The following MYO7B variants were observed in gnomAD, a reference collection of about 807,000 sequenced individuals.
The protein encoded by MYO7B is unconventional myosin-VIIb.
MYO7B carries 212 observed loss-of-function variants against 259.7 expected under a neutral mutation model. The observed-to-expected ratio is 0.82, with a 90% CI of 0.73 to 0.91. The LOEUF (loss-of-function observed/expected upper bound fraction) is 0.91, where lower values mean the gene tolerates loss of function less well. Among genes scored for constraint, MYO7B ranks in the 40% least tolerant of loss-of-function variants. MYO7B has a pLI of 0.00. For missense variants in MYO7B, 2,732 were observed against 2,813.5 expected (o/e 0.97, Z 0.66); for synonymous variants, 1,197 against 1,166.4 (o/e 1.03, Z -0.54).
chr2:127,609,943 T>A lies in MYO7B; in HGVS notation c.3119T>A (p.Val1040Glu). The change falls in exon 24 of 48, where the codon GTG (valine) becomes GAG (glutamate). Residue 1040 changes from valine (V) to glutamate (E), a missense_variant. By Grantham distance (121) the Val-to-Glu change is moderately radical. Coordinates refer to ENST00000409816, the MANE Select transcript of MYO7B (RefSeq NM_001393586.1). The surrounding 1 kb of genome is among the most constrained non-coding windows in gnomAD (Gnocchi z 6.9). ...AGGAGCAGCCAGCAGGGCAGCTCAG[T>A]GATGCGGCAGATCCATGACACGCTG... ...YARSSQQGSS[V>E]MRQIHDTLGR... 1 of 1,608,258 alleles carries A rather than the reference T, an allele frequency of 6.2e-7. No homozygotes were observed. The highest frequency in any genetic ancestry group is 8.5e-7 in the Non-Finnish European group (1 of 1,177,268).
Position 127,627,604 on chromosome 2 carries a change from C to T in MYO7B, c.4460+294C>T, listed in dbSNP as rs890833645. 1 of 529,962 alleles carries T rather than the reference C, an allele frequency of 1.9e-6. No homozygotes were observed. The highest frequency in any genetic ancestry group is 4.9e-5 in the East Asian group (1 of 20,414). The allele number at this position is 529,962 out of a possible 1,614,324, so 32.8% of individuals were successfully genotyped here. A position where few individuals can be genotyped will look rare whatever the true frequency, so the allele number is the denominator to read the frequency against. On this transcript the variant is annotated intron_variant, in intron 33 of 47. Coordinates refer to ENST00000409816, the MANE Select transcript of MYO7B (RefSeq NM_001393586.1). This position sits in a 1 kb window ranked among gnomAD's most constrained non-coding sequence, Gnocchi z 5.6. Reference sequence around the variant, plus strand: ...GGAAGCGTGCAGCCTCTGGCGGGCACTTATTTAGAAGGCTCCTTTCTTTGT... The same window carrying T: ...GGAAGCGTGCAGCCTCTGGCGGGCATTTATTTAGAAGGCTCCTTTCTTTGT...
At chr2:127,608,538 A>G (rs935360809) in intron 21 of MYO7B, among the ~76,000 whole-genome samples, 170 bp from the exon 22 acceptor site, 1 of 152,240 alleles carries the variant, frequency 6.6e-6, no homozygotes, top group African/African-American at 2.4e-5. Context: ...ATCTCTAACC[A>G]CACTAGCTGT....
intron 43 of MYO7B, 122 bp downstream of exon 43, chr2:127,635,348 T>C: frequency 1.1e-6 from 1 of 942,856 alleles, no homozygotes; most frequent in South Asian, 1.5e-5. Context: ...CCAGCCCATG[T>C]GGTAGGCAGA....
In MYO7B at chr2:127,584,192, A is replaced by G. The variant is rs923874490; in HGVS notation, c.1414A>G (p.Met472Val). Residue 472 changes from methionine (M) to valine (V), a missense_variant, in exon 13 of 48, where the codon ATG (methionine) becomes GTG (valine). Around this residue, in one of 3 missense-constraint regions of MYO7B, gnomAD observed 1,906 missense variants for 2,026.4 expected, o/e 0.94. Transcript: ENST00000409816. This position sits in a 1 kb window ranked among gnomAD's most constrained non-coding sequence, Gnocchi z 5.8. ...GTTCTTTGTGCAGCACGTGTTCACCATGGAGCAAGAGGAGTACCGCTCGGA... is the reference window on the plus strand; with the variant it reads ...GTTCTTTGTGCAGCACGTGTTCACCGTGGAGCAAGAGGAGTACCGCTCGGA... ...QQFFVQHVFT[M>V]EQEEYRSENI... 1.2e-6 allele frequency: 2 copies of G among 1,613,882 alleles called. No homozygotes were observed. Among genetic ancestry groups the G allele is most frequent in the African/African-American group, 1.3e-5 (1 of 74,920 alleles).
rs181653222 is a variant in MYO7B at position 127,580,014 on chromosome 2, C to T, written c.1004-732C>T. Among the ~76,000 whole-genome samples, 15 of 152,280 alleles carry T rather than the reference C, an allele frequency of 9.9e-5. No individual in the cohort carries two copies. The East Asian group carries it at 2.5e-3, about 25-fold the overall frequency. On this transcript the variant is annotated intron_variant, in intron 9 of 47. Coordinates refer to ENST00000409816, the MANE Select transcript of MYO7B (RefSeq NM_001393586.1). ...GGAGGAGAGGGACACAGTCTCAGCC[C>T]GCAAGGACCTCGGAGGGCTGTGGGT...
chr2:127,578,364 G>T, intron 9 of MYO7B, 78 bp downstream of exon 9: 1 of 1,555,018 alleles, frequency 6.4e-7, no homozygotes, highest in South Asian at 1.1e-5. Context: ...ATCTCTAGGG[G>T]TTCTCACAGG....
chr2:127,585,669 C>T lies in MYO7B; in HGVS notation c.1690+756C>T, dbSNP rs553638336. 3.9e-5 allele frequency among the ~76,000 whole-genome samples: 6 copies of T among 152,268 alleles called. No individual in the cohort carries two copies. The highest frequency in any genetic ancestry group is 1.3e-4 in the Admixed American group (2 of 15,302). On this transcript the variant is annotated intron_variant, in intron 14 of 47. Transcript: ENST00000409816. The surrounding 1 kb of genome is among the most constrained non-coding windows in gnomAD (Gnocchi z 4.3). ...GGAACCACCAGACTGTTTTCCAAAG[C>T]GGCTGTATGATTTTACATTCCCACT...
chr2:127,584,202 A>G lies in MYO7B; in HGVS notation c.1424A>G (p.Glu475Gly). 1.2e-6 allele frequency: 2 copies of G among 1,613,994 alleles called. No homozygotes were observed. The highest frequency in any genetic ancestry group is 1.1e-5 in the South Asian group (1 of 91,078). Residue 475 changes from glutamate (E) to glycine (G), a missense_variant, in exon 13 of 48, where the codon GAG becomes GGG. By Grantham distance (98) the Glu-to-Gly change is moderately conservative. Coordinates refer to ENST00000409816, the MANE Select transcript of MYO7B (RefSeq NM_001393586.1). The surrounding 1 kb of genome is among the most constrained non-coding windows in gnomAD (Gnocchi z 5.8). ...CAGCACGTGTTCACCATGGAGCAAGAGGAGTACCGCTCGGAGAACATCTCC... is the reference window on the plus strand; with the variant it reads ...CAGCACGTGTTCACCATGGAGCAAGGGGAGTACCGCTCGGAGAACATCTCC... ...FVQHVFTMEQ[E>G]EYRSENISWD... is the part of the protein sequence containing the mutation.
chr2:127,552,435 G>A (rs1309554582), intron 1 of MYO7B, among the ~76,000 whole-genome samples: 5 of 152,128 alleles, frequency 3.3e-5, no homozygotes, highest in Admixed American at 1.3e-4. Context: ...GGTCCAGGGC[G>A]TGTTGTGGTG....
At chr2:127,637,279 G>A (rs750425075) in intron 47 of MYO7B, 37 bp from the exon 48 acceptor site, 3 of 1,483,394 alleles carry the variant, frequency 2.0e-6, no homozygotes, top group Admixed American at 4.0e-5. Flanking sequence ...CCTGCCCTCT[G>A]CACCCACAGC....
At chr2:127,630,070 CG>C (rs1303157354) in intron 35 of MYO7B, among the ~76,000 whole-genome samples, 2 of 151,472 alleles carry the variant, frequency 1.3e-5, no homozygotes, top group Admixed American at 6.6e-5. Flanking sequence ...TGGGGGTGTC[CG>C]GGGGACAAAC....
chr2:127,560,090 G>A (rs915490434), intron 2 of MYO7B, among the ~76,000 whole-genome samples: 3 of 148,954 alleles, frequency 2.0e-5, no homozygotes, highest in South Asian at 4.2e-4. Context: ...CCAGTGGCAC[G>A]ATCTCAGCTC....
In MYO7B at chr2:127,592,775, G is replaced by A. The variant is rs114383993; in HGVS notation, c.1993-19G>A. On this transcript the variant is annotated intron_variant, in intron 16 of 47. Coordinates refer to ENST00000409816, the MANE Select transcript of MYO7B (RefSeq NM_001393586.1). ...AAAGTGGGGCTTGCGCTGGGTCAGC[G>A]CCCGGTGTCCGCCCACAGCTGTTCG... is the stretch of plus-strand genomic sequence containing the variant. 3.3e-3 allele frequency: 5,362 copies of A among 1,601,726 alleles called. 157 individuals are homozygous for A. The African/African-American group carries it at 0.062, about 19-fold the overall frequency.
At chr2:127,537,134 G>A (rs1692814207) in intron 1 of MYO7B, among the ~76,000 whole-genome samples, 1 of 152,234 alleles carries the variant, frequency 6.6e-6, no homozygotes, top group Admixed American at 6.5e-5. Flanking sequence ...CCGAGCAGAG[G>A]AGTTTGGCTT....
At chr2:127,579,867 C>T (rs994501282) in intron 9 of MYO7B, among the ~76,000 whole-genome samples, 1 of 152,152 alleles carries the variant, frequency 6.6e-6, no homozygotes, top group Non-Finnish European at 1.5e-5. Flanking sequence ...ATTACAGACA[C>T]AAGCCACTGC....
At chr2:127,593,365 C>T (rs1679642292) in intron 17 of MYO7B, among the ~76,000 whole-genome samples, 181 bp from the exon 18 acceptor site, 1 of 151,898 alleles carries the variant, frequency 6.6e-6, no homozygotes, top group Admixed American at 6.5e-5. Flanking sequence ...GCCCCGGGCC[C>T]CGAGTTCCCT....
intron 39 of MYO7B, 96 bp from the exon 40 acceptor site, chr2:127,633,162 T>A: frequency 5.2e-6 from 5 of 960,376 alleles, no homozygotes; most frequent in Non-Finnish European, 7.9e-6. Flanking sequence ...GGTTTTCTTT[T>A]GTTTCTGGCA....
intron 27 of MYO7B, 73 bp downstream of exon 27, chr2:127,620,539 G>A: frequency 1.4e-6 from 2 of 1,399,790 alleles, no homozygotes; most frequent in Non-Finnish European, 1.9e-6. Flanking sequence ...CCTGGCCCTG[G>A]AGCAGGTCCA....
In MYO7B at chr2:127,620,362, T is replaced by C; in HGVS notation, c.3421T>C (p.Cys1141Arg). The part of the protein sequence containing the change: ...SLRDEIYCQI[C>R]KQLSENFKTS... ...CAGGGATGAGATTTACTGCCAGATC[T>C]GCAAGCAGCTCTCGGAGAACTTCAA... The change falls in exon 27 of 48, where the codon TGC becomes CGC. Residue 1141 changes from cysteine to arginine, a missense_variant. Physicochemically the swap from Cys to Arg is radical, Grantham distance 180. Around this residue, in one of 3 missense-constraint regions of MYO7B, gnomAD observed 1,906 missense variants for 2,026.4 expected, o/e 0.94. Transcript: ENST00000409816. 6.2e-7 allele frequency: 1 copy of C among 1,612,476 alleles called. No homozygotes were observed. The highest frequency in any genetic ancestry group is 8.5e-7 in the Non-Finnish European group (1 of 1,178,692).
Sources: gnomAD v4.1 joint callset for allele counts (sites outside exome capture counted in the v4.1 genomes callset) on GRCh38, gnomAD v4.1.1 for gene constraint, gnomAD v4.1.1 regional missense constraint, Gnocchi (gnomAD v3.1) non-coding constraint, MANE v1.5 for transcripts, NCBI Gene and HGNC (gene_info 2026-07-23, HGNC 2026-07-21) for gene names.